The following SGCZ variants were observed in gnomAD, a reference collection of about 807,000 sequenced individuals.
SGCZ encodes sarcoglycan zeta, also known as zeta-sarcoglycan.
Under a neutral mutation model 41.3 loss-of-function variants are expected in SGCZ, and 40 were observed. That is an observed-to-expected ratio of 0.97 (90% CI 0.75 to 1.26). SGCZ has a LOEUF of 1.26. SGCZ is among the 50% of genes most tolerant of loss of function. SGCZ has a pLI of 0.00. For synonymous variants in SGCZ, 206 were observed against 137.5 expected (o/e 1.50, Z -3.49); for missense variants, 552 against 369.8 (o/e 1.49, Z -4.04).
In SGCZ at chr8:14,262,821, A is replaced by G. The variant is rs868800109; in HGVS notation, c.337-25142T>C. 1.7e-3 allele frequency among the ~76,000 whole-genome samples: 190 copies of G among 114,720 alleles called. 2 individuals carry two copies. Among genetic ancestry groups the G allele is most frequent in the Admixed American group, 4.4e-3 (51 of 11,708 alleles). 75.3% of individuals were successfully genotyped at this position (114,720 alleles called of 152,430 possible). ...CAAAGTTTCAAGTAATACTTCAAGAAAAAAAAAAAAAACAGCACAGAGCTT... is the reference window on the plus strand; with the variant it reads ...CAAAGTTTCAAGTAATACTTCAAGAGAAAAAAAAAAAACAGCACAGAGCTT... On this transcript the variant is annotated intron_variant, in intron 3 of 7. Transcript: ENST00000382080.
intron 1 of SGCZ, among the ~76,000 whole-genome samples, chr8:14,644,912 A>G (rs576030442): frequency 3.0e-4 from 45 of 148,722 alleles, no homozygotes; most frequent in South Asian, 6.5e-4. Context: ...ACCTCTTGAC[A>G]GAAATATAAA....
chr8:14,241,148 T>C (rs1032359817), intron 3 of SGCZ, among the ~76,000 whole-genome samples: 1 of 152,100 alleles, frequency 6.6e-6, no homozygotes, highest in East Asian at 1.9e-4. Context: ...TAACTGATAC[T>C]AATATTTTAC....
chr8:15,052,512 A>G (rs1382084777), intron 1 of SGCZ, among the ~76,000 whole-genome samples: 1 of 152,064 alleles, frequency 6.6e-6, no homozygotes, highest in East Asian at 1.9e-4. Context: ...AGTCAGTGGA[A>G]GGCATTGCAC....
chr8:14,642,500 T>G (rs562803924), intron 1 of SGCZ, among the ~76,000 whole-genome samples: 1 of 151,258 alleles, frequency 6.6e-6, no homozygotes, highest in Non-Finnish European at 1.5e-5. Flanking sequence ...TTACAATATG[T>G]AAGGTATCGA....
chr8:14,799,916 T>C (rs1033040061), intron 1 of SGCZ, among the ~76,000 whole-genome samples: 2 of 152,162 alleles, frequency 1.3e-5, no homozygotes, highest in African/African-American at 4.8e-5. Flanking sequence ...AAAAGCAGTC[T>C]CTGCCTTTCG....
chr8:14,649,293 T>C (rs1047651420), intron 1 of SGCZ, among the ~76,000 whole-genome samples: 11 of 152,146 alleles, frequency 7.2e-5, no homozygotes, highest in African/African-American at 2.4e-4. Context: ...GTGCAGACTC[T>C]TGAGCAACTA....
At chr8:15,021,949 G>T (rs952866586) in intron 1 of SGCZ, among the ~76,000 whole-genome samples, 1 of 152,148 alleles carries the variant, frequency 6.6e-6, no homozygotes, top group Non-Finnish European at 1.5e-5. Flanking sequence ...GAAACATCCT[G>T]ATGACCCAAT....
At chr8:14,939,455 T>A (rs564075575) in intron 1 of SGCZ, among the ~76,000 whole-genome samples, 1 of 152,096 alleles carries the variant, frequency 6.6e-6, no homozygotes, top group Non-Finnish European at 1.5e-5. Flanking sequence ...TAAAACACAC[T>A]CCCCAAAACA....
intron 2 of SGCZ, among the ~76,000 whole-genome samples, chr8:14,464,572 A>AT (rs1486731460): frequency 7.6e-6 from 1 of 131,286 alleles, no homozygotes. Flanking sequence ...GATTTTCTTT[A>AT]TTTTTTATTC....
At chr8:14,581,251 A>G (rs1804877841) in intron 1 of SGCZ, among the ~76,000 whole-genome samples, 1 of 151,874 alleles carries the variant, frequency 6.6e-6, no homozygotes. Context: ...TGGGATTACA[A>G]GCACCACCAC....
At chr8:14,476,174 TG>T (rs1223453235) in intron 2 of SGCZ, among the ~76,000 whole-genome samples, 4 of 152,166 alleles carry the variant, frequency 2.6e-5, no homozygotes, top group Non-Finnish European at 5.9e-5. Flanking sequence ...TGGGAGTTTT[TG>T]TGAGAGTGTT....
At chr8:14,157,365 AGTGTGTGTGT>A (rs1276673001) in intron 5 of SGCZ, among the ~76,000 whole-genome samples, 20 of 89,440 alleles carry the variant, frequency 2.2e-4, no homozygotes, top group Middle Eastern at 5.3e-3. Context: ...TGTGTGTGTG[AGTGTGTGTGT>A]GTGTGTGTGT....
intron 1 of SGCZ, among the ~76,000 whole-genome samples, chr8:15,054,752 A>G (rs1031851172): frequency 2.6e-5 from 4 of 152,128 alleles, no homozygotes; most frequent in African/African-American, 9.6e-5. Context: ...CAGGAGATCA[A>G]GACCATCCTG....
intron 3 of SGCZ, among the ~76,000 whole-genome samples, chr8:14,260,499 G>C (rs528586327): frequency 9.3e-4 from 136 of 146,430 alleles, no homozygotes; most frequent in Middle Eastern, 3.5e-3. Context: ...ACTGTTGGCG[G>C]GACTGTAAAC....
intron 1 of SGCZ, among the ~76,000 whole-genome samples, chr8:15,201,362 T>A (rs1434678795): frequency 4.6e-5 from 7 of 152,192 alleles, no homozygotes; most frequent in African/African-American, 1.7e-4. Context: ...ACCAGGTACC[T>A]GCCGATGACT....
At chr8:15,095,632 C>G (rs1268838567) in intron 1 of SGCZ, among the ~76,000 whole-genome samples, 8 of 152,010 alleles carry the variant, frequency 5.3e-5, no homozygotes, top group East Asian at 1.9e-4. Flanking sequence ...TCTGAACATT[C>G]TTGCAATTGT....
intron 1 of SGCZ, among the ~76,000 whole-genome samples, chr8:14,961,750 G>A (rs909146608): frequency 1.3e-5 from 2 of 152,054 alleles, no homozygotes; most frequent in South Asian, 4.1e-4. Flanking sequence ...GAAAAGGCAC[G>A]AATAAAAGCA....
intron 2 of SGCZ, among the ~76,000 whole-genome samples, chr8:14,454,938 T>C (rs1442442115): frequency 1.3e-5 from 2 of 152,094 alleles, no homozygotes; most frequent in East Asian, 1.9e-4. Context: ...GGAGAAGAGA[T>C]GGGTAGATTT....
chr8:14,901,004 T>C (rs1002474690), intron 1 of SGCZ, among the ~76,000 whole-genome samples: 1 of 152,214 alleles, frequency 6.6e-6, no homozygotes, highest in Non-Finnish European at 1.5e-5. Flanking sequence ...GGTTTGATAA[T>C]CAAATTTATT....
Sources: gnomAD v4.1 joint callset for allele counts (sites outside exome capture counted in the v4.1 genomes callset) on GRCh38, gnomAD v4.1.1 for gene constraint, MANE v1.5 for transcripts, NCBI Gene and HGNC (gene_info 2026-07-23, HGNC 2026-07-21) for gene names.